The following ACSBG2 variants were observed in gnomAD, a reference collection of about 807,000 sequenced individuals.
The protein encoded by ACSBG2 is long-chain-fatty-acid--CoA ligase ACSBG2.
In ACSBG2, 62 loss-of-function variants were observed where a neutral mutation model predicts 74.7. The observed-to-expected ratio is 0.83, with a 90% CI of 0.68 to 1.03. The LOEUF is 1.03. ACSBG2 is among the 50% of genes least tolerant of loss of function. ACSBG2 has a pLI of 0.00. For missense variants in ACSBG2, 730 were observed against 817.6 expected, an observed-to-expected ratio of 0.89 and a Z score of 1.31; for synonymous variants, 309 against 294.1, an observed-to-expected ratio of 1.05 and a Z score of -0.52.
intron 7 of ACSBG2, among the ~76,000 whole-genome samples, chr19:6,173,937 AT>A (rs56905660): frequency 0.046 from 6,011 of 130,892 alleles, 102 homozygotes; most frequent in Non-Finnish European, 0.053. Flanking sequence ...CTCTTGAACT[AT>A]TTTTTTTTTT....
intron 13 of ACSBG2, among the ~76,000 whole-genome samples, chr19:6,188,443 C>A (rs1022450487): frequency 1.3e-5 from 2 of 152,004 alleles, no homozygotes; most frequent in East Asian, 1.9e-4. Flanking sequence ...GAGTTTGAGA[C>A]CAACCTGGGC....
rs766731193 is a variant in ACSBG2 at position 6,187,814 on chromosome 19, G to A, written c.1896G>A (p.Glu632=). 1.9e-6 allele frequency: 3 copies of A among 1,614,090 alleles called. No homozygotes were observed. In the East Asian group the frequency reaches 6.7e-5, roughly 36 times the overall value. The part of the protein sequence containing the change: ...AQRIEKWVIL[E]KDFSIYGGEL... ...GGATTGAAAAGTGGGTCATCTTGGA[G>A]AAGGACTTTTCCATCTATGGTGGAG... The change falls in exon 13 of 15, where the codon GAG becomes GAA. Residue 632 remains glutamate, a synonymous_variant. Transcript: ENST00000588485.
At chr19:6,165,737 A>G in intron 6 of ACSBG2, 129 bp from the exon 7 acceptor site, 1 of 1,097,524 alleles carries the variant, frequency 9.1e-7, no homozygotes, top group Non-Finnish European at 1.3e-6. Context: ...AGGTGCCAGG[A>G]CTGGCACATC....
chr19:6,158,929 T>C (rs2089517177), intron 5 of ACSBG2, among the ~76,000 whole-genome samples: 1 of 152,014 alleles, frequency 6.6e-6, no homozygotes, highest in African/African-American at 2.4e-5. Flanking sequence ...ATTCTTTTCT[T>C]TTTTCTTTTT....
rs572627419 is a variant in ACSBG2, at chr19:6,187,530, T to C, written c.1681-69T>C. On this transcript the variant is annotated intron_variant, in intron 12 of 14. Coordinates refer to ENST00000588485, the MANE Select transcript of ACSBG2 (RefSeq NM_030924.5). ...CATCTGTGGGTTCAAGACCCACTTC[T>C]TGGTCTGTGGGCCTGGGGAGGGGTG... is the stretch of plus-strand genomic sequence containing the variant. The C allele has an allele frequency of 5.5e-5, 89 of 1,606,036 alleles. No homozygotes were observed. The East Asian group carries it at 8.7e-4, about 16-fold the overall frequency.
intron 10 of ACSBG2, among the ~76,000 whole-genome samples, chr19:6,184,860 A>AAAAAAAAAAAAAAAAAAACAAAC (rs2090359282): frequency 1.4e-5 from 2 of 142,270 alleles, no homozygotes; most frequent in African/African-American, 5.4e-5. Context: ...AAAAAAAAAA[A>AAAAAAAAAAAAAAAAAAACAAAC]AAAAAAAAAA....
intron 13 of ACSBG2, 43 bp downstream of exon 13, chr19:6,187,888 C>G (rs1189329010): frequency 6.2e-7 from 1 of 1,601,664 alleles, no homozygotes; most frequent in Admixed American, 1.7e-5. Flanking sequence ...TTGTTAGCAT[C>G]TGGGACTGTG....
intron 6 of ACSBG2, chr19:6,161,622 T>C: frequency 4.5e-6 from 1 of 219,994 alleles, no homozygotes; most frequent in Non-Finnish European, 9.2e-6. Flanking sequence ...ACAAATGTGG[T>C]AGGTGGGGGT....
chr19:6,172,262 T>C (rs1303343188), intron 7 of ACSBG2, among the ~76,000 whole-genome samples: 1 of 152,210 alleles, frequency 6.6e-6, no homozygotes, highest in African/African-American at 2.4e-5. Context: ...ACACTCTGGC[T>C]TTTTCTACTG....
chr19:6,138,650 AG>A (rs2088690881), intron 1 of ACSBG2, among the ~76,000 whole-genome samples: 1 of 121,550 alleles, frequency 8.2e-6, no homozygotes, highest in African/African-American at 3.4e-5. Flanking sequence ...AGGGAAGGGA[AG>A]AAGGAAGAAA....
intron 2 of ACSBG2, among the ~76,000 whole-genome samples, chr19:6,145,438 A>G (rs1326924550): frequency 6.6e-6 from 1 of 151,946 alleles, no homozygotes; most frequent in East Asian, 1.9e-4. Flanking sequence ...TCAAAAAAAA[A>G]AAAAAAAAGT....
Position 6,187,435 on chromosome 19 carries a change from T to G in ACSBG2, c.1680+13T>G. 6.2e-7 allele frequency: 1 copy of G among 1,613,920 alleles called. No homozygotes were observed. Among genetic ancestry groups the G allele is most frequent in the East Asian group, 2.2e-5 (1 of 44,884 alleles). On this transcript the variant is annotated intron_variant, in intron 12 of 14. Transcript: ENST00000588485. ...GCTGACGCTGAAGGTAACATGGGTTTGCTGTCATTGGGGGAAGTCTCTGCA... is the reference window on the plus strand; with the variant it reads ...GCTGACGCTGAAGGTAACATGGGTTGGCTGTCATTGGGGGAAGTCTCTGCA...
At chr19:6,135,935 T>G (rs1378852109) in intron 1 of ACSBG2, 26 bp downstream of exon 1, 1 of 152,386 alleles carries the variant, frequency 6.6e-6, no homozygotes, top group African/African-American at 2.4e-5. Context: ...GAGAAGGGCA[T>G]GCGTTTTCTT....
intron 14 of ACSBG2, chr19:6,191,670 T>A (rs2145303174): frequency 6.6e-6 from 1 of 152,338 alleles, no homozygotes; most frequent in South Asian, 2.1e-4. Context: ...TTTTAACTTC[T>A]ATAATGATCT....
At chr19:6,162,383 G>A (rs1390054720) in intron 6 of ACSBG2, among the ~76,000 whole-genome samples, 2 of 151,090 alleles carry the variant, frequency 1.3e-5, no homozygotes, top group African/African-American at 4.9e-5. Context: ...TGGCTAACAC[G>A]GTGAAACCCC....
At chr19:6,192,168 G>C (rs1367656354) in intron 14 of ACSBG2, 3 of 151,054 alleles carry the variant, frequency 2.0e-5, no homozygotes, top group Non-Finnish European at 4.4e-5. Flanking sequence ...GGAATACCGG[G>C]TTACGTAAAA....
At chr19:6,139,503 G>A (rs1048415853) in intron 1 of ACSBG2, among the ~76,000 whole-genome samples, 1 of 152,112 alleles carries the variant, frequency 6.6e-6, no homozygotes, top group Non-Finnish European at 1.5e-5. Flanking sequence ...TTCACCAGAG[G>A]GTTTACTCAA....
intron 5 of ACSBG2, among the ~76,000 whole-genome samples, chr19:6,156,953 T>A (rs1278438758): frequency 1.5e-5 from 2 of 129,218 alleles, no homozygotes; most frequent in Non-Finnish European, 1.5e-5. Context: ...CAGGCTAACT[T>A]TTTTTTTTTC....
At chr19:6,176,583 T>C (rs16993437) in intron 7 of ACSBG2, 13,901 of 248,278 alleles carry the variant, frequency 0.056, 792 homozygotes, top group African/African-American at 0.18. Context: ...TCACATACTT[T>C]AGGCTTAAGC....
Sources: gnomAD v4.1 joint callset for allele counts (sites outside exome capture counted in the v4.1 genomes callset) on GRCh38, gnomAD v4.1.1 for gene constraint, MANE v1.5 for transcripts, NCBI Gene and HGNC (gene_info 2026-07-23, HGNC 2026-07-21) for gene names.